The following KDM3A variants were observed in gnomAD, a reference collection of about 807,000 sequenced individuals.
KDM3A encodes lysine demethylase 3A.
A neutral mutation model predicts 158.0 loss-of-function variants in KDM3A; 60 were observed. That is an observed-to-expected ratio of 0.38 (90% CI 0.31 to 0.47). KDM3A has a LOEUF of 0.47. Among genes scored for constraint, KDM3A ranks in the 20% least tolerant of loss-of-function variants. The pLI, the probability that KDM3A is intolerant of heterozygous loss-of-function variation, is 0.99. For synonymous variants in KDM3A, 608 were observed against 549.3 expected, an observed-to-expected ratio of 1.11 and a Z score of -1.49; for missense variants, 1,319 against 1,574.3, an observed-to-expected ratio of 0.84 and a Z score of 2.74.
upstream of KDM3A, among the ~76,000 whole-genome samples, chr2:86,438,145 C>A (rs575602714): frequency 4.6e-5 from 7 of 152,042 alleles, no homozygotes; most frequent in South Asian, 1.0e-3. Flanking sequence ...ATAAAATTTT[C>A]TTTTCTTGAT....
rs1461626294 is a variant in KDM3A at position 86,456,422 on chromosome 2, T to TA, written c.557-20_557-19insA. On this transcript the variant is annotated intron_variant, in intron 5 of 25. Transcript: ENST00000312912. ...TAATGCAAATTGCTCTAAGATTTTT[T>TA]TTTTTTTTTTTTTTTTAAGGTGACA... The TA allele has an allele frequency of 2.8e-6, 4 of 1,403,860 alleles. No individual in the cohort carries two copies. The highest frequency in any genetic ancestry group is 2.9e-5 in the South Asian group (2 of 68,696). 87.0% of individuals were successfully genotyped at this position (1,403,860 alleles called of 1,614,324 possible). A position where few individuals can be genotyped will look rare whatever the true frequency, so the allele number is the denominator to read the frequency against.
At chr2:86,445,170 C>T (rs1682906142) in intron 2 of KDM3A, among the ~76,000 whole-genome samples, 4 of 152,106 alleles carry the variant, frequency 2.6e-5, no homozygotes, top group Admixed American at 1.3e-4. Flanking sequence ...CTCTATATCC[C>T]TAGCACCGAG....
Position 86,492,241 on chromosome 2 carries a change from G to A in KDM3A, c.*122G>A. 1 of 699,400 alleles carries A rather than the reference G, an allele frequency of 1.4e-6. No homozygotes were observed. Among genetic ancestry groups the A allele is most frequent in the Non-Finnish European group, 2.5e-6 (1 of 395,292 alleles). 43.3% of individuals were successfully genotyped at this position (699,400 alleles called of 1,614,324 possible). ...TTTAAACTGTACCCAACTTGTGAGG[G>A]TACTCTGTCTAATGTATATTTCTAG... On this transcript the variant is annotated 3_prime_UTR_variant, in exon 26 of 26. Coordinates refer to ENST00000312912, the MANE Select transcript of KDM3A (RefSeq NM_018433.6).
intron 10 of KDM3A, among the ~76,000 whole-genome samples, chr2:86,469,328 T>C (rs58487331): frequency 0.014 from 2,200 of 152,284 alleles, 68 homozygotes; most frequent in African/African-American, 0.051. Context: ...TTTTTGACTT[T>C]CGTTTGTTTG....
chr2:86,484,858 TGAG>T, intron 19 of KDM3A, 81 bp from the exon 20 acceptor site: 1 of 726,764 alleles, frequency 1.4e-6, no homozygotes, highest in Non-Finnish European at 2.3e-6. Context: ...TTTGTATTGT[TGAG>T]GCATAAAATG....
chr2:86,449,720 T>G (rs377137440), intron 2 of KDM3A, 87 bp from the exon 3 acceptor site: 10 of 1,377,418 alleles, frequency 7.3e-6, no homozygotes, highest in African/African-American at 1.5e-5. Flanking sequence ...AATAGAATAA[T>G]GAAGGTATAG....
intron 16 of KDM3A, among the ~76,000 whole-genome samples, chr2:86,480,858 T>C (rs1192966117): frequency 6.6e-6 from 1 of 152,172 alleles, no homozygotes; most frequent in African/African-American, 2.4e-5. Context: ...AAAAGGAATA[T>C]TCAAACTCCT....
At chr2:86,446,308 CA>C (rs1372847212) in intron 2 of KDM3A, among the ~76,000 whole-genome samples, 3 of 152,084 alleles carry the variant, frequency 2.0e-5, no homozygotes, top group African/African-American at 7.2e-5. Flanking sequence ...CATTGTGGGC[CA>C]AAGGAGCATG....
chr2:86,454,933 G>A, intron 4 of KDM3A, 152 bp from the exon 5 acceptor site: 3 of 529,764 alleles, frequency 5.7e-6, no homozygotes, highest in Non-Finnish European at 6.7e-6. Flanking sequence ...GAGCCATCTG[G>A]TTTACTGGAA....
chr2:86,468,468 C>T (rs1349675669), intron 10 of KDM3A, among the ~76,000 whole-genome samples: 1 of 152,168 alleles, frequency 6.6e-6, no homozygotes, highest in African/African-American at 2.4e-5. Context: ...ATGATAGATA[C>T]ACAAGTGAGT....
chr2:86,447,000 CGAA>C (rs1682982912), intron 2 of KDM3A, among the ~76,000 whole-genome samples: 1 of 152,228 alleles, frequency 6.6e-6, no homozygotes, highest in East Asian at 1.9e-4. Context: ...TTTGTAGAGA[CGAA>C]GTTTCCCCAC....
At chr2:86,455,296 T>TTG in intron 5 of KDM3A, 109 bp downstream of exon 5, 4 of 386,718 alleles carry the variant, frequency 1.0e-5, no homozygotes, top group South Asian at 4.1e-5. Flanking sequence ...TCTTTTTTCT[T>TTG]TTTTTTTTTT....
intron 2 of KDM3A, among the ~76,000 whole-genome samples, chr2:86,445,879 G>A (rs1326204269): frequency 1.3e-5 from 2 of 152,240 alleles, no homozygotes; most frequent in Non-Finnish European, 2.9e-5. Flanking sequence ...TTGTGGAGTA[G>A]TGAATTAAGT....
Position 86,474,908 on chromosome 2 carries a change from G to A in KDM3A, c.1857G>A (p.Lys619=). 4 of 1,614,082 alleles carry A rather than the reference G, an allele frequency of 2.5e-6. No individual in the cohort carries two copies. The highest frequency in any genetic ancestry group is 3.4e-6 in the Non-Finnish European group (4 of 1,180,024). The change falls in exon 12 of 26, where the codon AAG becomes AAA. Residue 619 remains lysine, a synonymous_variant. Coordinates refer to ENST00000312912, the MANE Select transcript of KDM3A (RefSeq NM_018433.6). The part of the protein sequence containing the change: ...NVVGIDLDTA[K]YILANIGDHF... ...TGGGGATTGATTTGGACACAGCAAA[G>A]TACATCTTGGCCAACATTGGAGACC... is the stretch of plus-strand genomic sequence containing the variant.
Position 86,466,890 on chromosome 2 carries a change from GT to G in KDM3A, c.1519+10del, listed in dbSNP as rs764619516. The G allele has an allele frequency of 2.5e-5, 40 of 1,576,664 alleles. No individual in the cohort carries two copies. The highest frequency in any genetic ancestry group is 1.7e-4 in the Middle Eastern group (1 of 5,890). ...AACAATAAAATCCAGAATGGTGAGT[GT>G]TTCTCAATATCTTTATTGGTAGAAG... is the stretch of plus-strand genomic sequence containing the variant. On this transcript the variant is annotated splice_region_variant and intron_variant, in intron 10 of 25. Transcript: ENST00000312912.
At chr2:86,489,070 G>C in intron 21 of KDM3A, 1 of 400,376 alleles carries the variant, frequency 2.5e-6, no homozygotes. Flanking sequence ...ATGTCCTTTT[G>C]GCAAATCCCA....
chr2:86,485,493 G>C (rs113856191), intron 20 of KDM3A, among the ~76,000 whole-genome samples: 33 of 152,296 alleles, frequency 2.2e-4, no homozygotes, highest in African/African-American at 7.7e-4. Context: ...AGAATTTATT[G>C]CTGAGATCTT....
rs138895230 is a variant in KDM3A at position 86,456,873 on chromosome 2, A to G, written c.750A>G (p.Thr250=). The G allele has an allele frequency of 2.5e-6, 4 of 1,608,064 alleles. No homozygotes were observed. Among genetic ancestry groups the G allele is most frequent in the African/African-American group, 1.3e-5 (1 of 74,916 alleles). The part of the protein sequence containing the change: ...HVEVVHDNLV[T]CGNSARIGAV... Reference sequence around the variant, plus strand: ...AAGTTGTACACGATAACCTTGTGACATGTGGTAAGATATGTTATTAAAATC... The same window carrying G: ...AAGTTGTACACGATAACCTTGTGACGTGTGGTAAGATATGTTATTAAAATC... Residue 250 remains threonine, a synonymous_variant, in exon 7 of 26, where the codon ACA becomes ACG. Transcript: ENST00000312912.
chr2:86,465,445 G>C (rs1673094033), intron 9 of KDM3A, among the ~76,000 whole-genome samples: 1 of 152,072 alleles, frequency 6.6e-6, no homozygotes, highest in Admixed American at 6.6e-5. Context: ...GCCCAGGAGG[G>C]AGTGCAGTTG....
Sources: allele counts gnomAD v4.1 joint callset (sites outside exome capture counted in the v4.1 genomes callset), GRCh38; gene constraint gnomAD v4.1.1; transcripts MANE v1.5; gene names NCBI Gene and HGNC (gene_info 2026-07-23, HGNC 2026-07-21).